The following DENND6A variants were observed in gnomAD, a reference collection of about 807,000 sequenced individuals.
The protein encoded by DENND6A is DENN domain containing 6A, also known as protein DENND6A.
Under a neutral mutation model 95.5 loss-of-function variants are expected in DENND6A, and 43 were observed. The ratio of observed to expected loss-of-function variants is 0.45; its 90% CI spans 0.35 to 0.58. The LOEUF (loss-of-function observed/expected upper bound fraction) is 0.58. Among genes scored for constraint, DENND6A ranks in the 20% least tolerant of loss-of-function variants. DENND6A has a pLI of 0.00. For synonymous variants in DENND6A, 257 were observed against 260.4 expected (o/e 0.99, Z 0.13); for missense variants, 574 against 736.0 (o/e 0.78, Z 2.55).
At chr3:57,657,882 G>C in intron 8 of DENND6A, 147 bp from the exon 9 acceptor site, 1 of 530,588 alleles carries the variant, frequency 1.9e-6, no homozygotes, top group Non-Finnish European at 3.4e-6. Context: ...AGAGGGAATG[G>C]GTCTTACCAA....
chr3:57,629,839 G>C (rs1332694078), intron 18 of DENND6A, among the ~76,000 whole-genome samples: 1 of 152,060 alleles, frequency 6.6e-6, no homozygotes, highest in Non-Finnish European at 1.5e-5. Flanking sequence ...ATTTCTAAAA[G>C]TGTTAATACT....
intron 12 of DENND6A, 65 bp downstream of exon 12, chr3:57,641,588 G>A: frequency 4.5e-6 from 6 of 1,347,326 alleles, no homozygotes; most frequent in Non-Finnish European, 6.0e-6. Flanking sequence ...AATCAAGGAT[G>A]AAAAGAAAGA....
chr3:57,662,030 A>T (rs1042428657), intron 5 of DENND6A, among the ~76,000 whole-genome samples: 2 of 147,512 alleles, frequency 1.4e-5, no homozygotes, highest in Non-Finnish European at 3.0e-5. Flanking sequence ...ATTTTTAAAC[A>T]TTTTTTTTTT....
Position 57,660,747 on chromosome 3 carries a change from TATAAG to T in DENND6A, c.699+8_699+12del. ...AAAAATAAAAAGGAGACAATTGAGA[TATAAG>T]ATATTACCTTCATTACCACCCCCAT... On this transcript the variant is annotated splice_region_variant and intron_variant, in intron 7 of 19. Coordinates refer to ENST00000311128, the MANE Select transcript of DENND6A (RefSeq NM_152678.3). 6.3e-7 allele frequency: 1 copy of T among 1,589,402 alleles called. No homozygotes were observed. The highest frequency in any genetic ancestry group is 8.6e-7 in the Non-Finnish European group (1 of 1,169,562).
At chr3:57,652,115 G>C (rs1232816547) in intron 9 of DENND6A, among the ~76,000 whole-genome samples, 1 of 152,076 alleles carries the variant, frequency 6.6e-6, no homozygotes, top group Non-Finnish European at 1.5e-5. Flanking sequence ...TCAAAACATG[G>C]AGCCTAATTC....
At chr3:57,667,448 C>T (rs545627765) in intron 3 of DENND6A, among the ~76,000 whole-genome samples, 1 of 152,336 alleles carries the variant, frequency 6.6e-6, no homozygotes, top group African/African-American at 2.4e-5. Flanking sequence ...AGAGCCACCA[C>T]ACCTGGCCTT....
At chr3:57,658,452 C>T (rs2071367352) in intron 8 of DENND6A, among the ~76,000 whole-genome samples, 1 of 152,076 alleles carries the variant, frequency 6.6e-6, no homozygotes. Context: ...TCACTTCAGC[C>T]CAGGAATTGG....
Position 57,663,609 on chromosome 3 carries a change from T to A in DENND6A, c.513+27A>T, listed in dbSNP as rs752129561. The A allele has an allele frequency of 3.9e-5, 58 of 1,492,270 alleles. 1 individual carries two copies. The South Asian group carries it at 4.8e-4, about 12-fold the overall frequency. The allele number at this position is 1,492,270 out of a possible 1,614,324, so 92.4% of individuals were successfully genotyped here. A position where few individuals can be genotyped will look rare whatever the true frequency, so the allele number is the denominator to read the frequency against. On this transcript the variant is annotated intron_variant, in intron 5 of 19. Coordinates refer to ENST00000311128, the MANE Select transcript of DENND6A (RefSeq NM_152678.3). ...TTCTAATCACAAAATAAAAAATACT[T>A]TTTTTATTAGTGTGTATGACAATTA...
chr3:57,692,884 G>A lies in DENND6A; in HGVS notation c.135C>T (p.Asp45=). 1.3e-6 allele frequency: 2 copies of A among 1,583,874 alleles called. No homozygotes were observed. Among genetic ancestry groups the A allele is most frequent in the Non-Finnish European group, 1.7e-6 (2 of 1,169,524 alleles). The change falls in exon 1 of 20, where the codon GAC becomes GAT. Residue 45 remains aspartate, a synonymous_variant. Transcript: ENST00000311128. ...GCAGCAGGCCCCGGCCACGGCCATCGTCCTCTTCATCGTCCTCTGGCGCGC... is the reference window on the plus strand; with the variant it reads ...GCAGCAGGCCCCGGCCACGGCCATCATCCTCTTCATCGTCCTCTGGCGCGC... ...AGGAPEDDEE[D]DGRGRGLLRW...
chr3:57,630,685 A>G lies in DENND6A; in HGVS notation c.1517+30T>C, dbSNP rs553458143. ...TTTGCTTTTAAATAAAGCACGACAC[A>G]TGGGTGTAAAACAGGGAAAAAAGAC... On this transcript the variant is annotated intron_variant, in intron 17 of 19. Transcript: ENST00000311128. 3.1e-6 allele frequency: 5 copies of G among 1,597,166 alleles called. No individual in the cohort carries two copies. In the African/African-American group the frequency reaches 5.4e-5, roughly 17 times the overall value.
At chr3:57,669,988 C>T (rs2071588704) in intron 3 of DENND6A, among the ~76,000 whole-genome samples, 1 of 145,706 alleles carries the variant, frequency 6.9e-6, no homozygotes, top group South Asian at 2.2e-4. Flanking sequence ...CCACTGCACT[C>T]CAGCCTGGGT....
chr3:57,635,364 T>G (rs1402110695), intron 12 of DENND6A, among the ~76,000 whole-genome samples: 1 of 152,152 alleles, frequency 6.6e-6, no homozygotes, highest in African/African-American at 2.4e-5. Context: ...GTTGAATAGC[T>G]TGTGTAGTAT....
rs9841968 is a variant in DENND6A at position 57,669,204 on chromosome 3, C to A, written c.320-2969G>T. Among the ~76,000 whole-genome samples the A allele has an allele frequency of 3.9e-4, 59 of 152,096 alleles. 2 individuals are homozygous for A. The highest frequency in any genetic ancestry group is 6.8e-3 in the Middle Eastern group (2 of 294). On this transcript the variant is annotated intron_variant, in intron 3 of 19. Coordinates refer to ENST00000311128, the MANE Select transcript of DENND6A (RefSeq NM_152678.3). ...TTCATTTAATAAACACATAAAAAAA[C>A]CAAACTGTATGGATAACTACAACTG...
At chr3:57,652,172 C>T (rs1281644573) in intron 9 of DENND6A, among the ~76,000 whole-genome samples, 1 of 152,226 alleles carries the variant, frequency 6.6e-6, no homozygotes, top group East Asian at 1.9e-4. Context: ...TTGTAATTAA[C>T]AGAATACGGT....
At chr3:57,656,890 G>A (rs2071337506) in intron 9 of DENND6A, among the ~76,000 whole-genome samples, 1 of 152,164 alleles carries the variant, frequency 6.6e-6, no homozygotes, top group Non-Finnish European at 1.5e-5. Flanking sequence ...CCTGGGAGGT[G>A]GAGGCTGCTG....
chr3:57,672,899 G>A (rs963198217), intron 1 of DENND6A, among the ~76,000 whole-genome samples: 2 of 151,592 alleles, frequency 1.3e-5, no homozygotes, highest in Non-Finnish European at 2.9e-5. Context: ...AGAAAATGCA[G>A]TACATATACA....
chr3:57,645,866 T>A (rs1559811823), intron 10 of DENND6A, 110 bp from the exon 11 acceptor site: 2 of 699,816 alleles, frequency 2.9e-6, no homozygotes, highest in East Asian at 5.7e-5. Flanking sequence ...ATACTTTGTT[T>A]ATTTTAATAA....
intron 1 of DENND6A, among the ~76,000 whole-genome samples, chr3:57,689,804 C>G (rs898896356): frequency 6.6e-6 from 1 of 152,074 alleles, no homozygotes; most frequent in African/African-American, 2.4e-5. Flanking sequence ...GGCTCAACAC[C>G]TATAATCCCA....
rs766200349 is a variant in DENND6A, at chr3:57,646,355, G to A, written c.902C>T (p.Ser301Leu). The A allele has an allele frequency of 6.2e-7, 1 of 1,613,980 alleles. No individual in the cohort carries two copies. Among genetic ancestry groups the A allele is most frequent in the South Asian group, 1.1e-5 (1 of 91,082 alleles). Residue 301 changes from serine (S) to leucine (L), a missense_variant, in exon 10 of 20, where the codon TCA becomes TTA. This residue lies in a region of DENND6A where 452 missense variants were observed against 630.9 expected (regional missense o/e 0.72). Coordinates refer to ENST00000311128, the MANE Select transcript of DENND6A (RefSeq NM_152678.3). ...LGEPLVVMAP[S>L]PSESSETVLA... ...TACAGTCTCTGATGATTCCGATGGTGATGGCGCCATAACCACAAGGGGCTC... is the reference window on the plus strand; with the variant it reads ...TACAGTCTCTGATGATTCCGATGGTAATGGCGCCATAACCACAAGGGGCTC...
Sources: allele counts gnomAD v4.1 joint callset (sites outside exome capture counted in the v4.1 genomes callset), GRCh38; gene constraint gnomAD v4.1.1; regional missense constraint gnomAD v4.1.1; transcripts MANE v1.5; gene names NCBI Gene and HGNC (gene_info 2026-07-23, HGNC 2026-07-21).